Variants in DSTYK observed in about 807,000 individuals in gnomAD.
DSTYK encodes RIP-homologous kinase.
DSTYK carries 34 observed loss-of-function variants against 98.7 expected under a neutral mutation model. The ratio of observed to expected loss-of-function variants is 0.34; its 90% confidence interval spans 0.26 to 0.46. The LOEUF is 0.46. Among genes scored for constraint, DSTYK ranks in the 20% least tolerant of loss-of-function variants. The pLI is 1.00. For missense variants in DSTYK, 962 were observed against 1,181.7 expected (o/e 0.81, Z 2.73); for synonymous variants, 462 against 457.3 (o/e 1.01, Z -0.13).
In DSTYK at chr1:205,211,481, C is replaced by G; in HGVS notation, c.55G>C (p.Gly19Arg). Residue 19 changes from glycine (G) to arginine (R), a missense_variant, in exon 1 of 13, where the codon GGC becomes CGC. Gly to Arg is a moderately radical substitution (Grantham distance 125). This residue lies in a region of DSTYK where 168 missense variants were observed against 120.0 expected (regional missense o/e 1.40). Transcript: ENST00000367162. The stretch of plus-strand genomic sequence containing the variant: ...AGCTCGCGGATCATTCCGCCGCCGC[C>G]GGGGCCGGGACCCGAGACGGGCTCG... ...GSEPVSGPGP[G>R]GGGMIRELCR... The G allele has an allele frequency of 2.5e-6, 4 of 1,584,626 alleles. No homozygotes were observed. Among genetic ancestry groups the G allele is most frequent in the Non-Finnish European group, 3.4e-6 (4 of 1,169,650 alleles).
intron 2 of DSTYK, among the ~76,000 whole-genome samples, chr1:205,172,385 A>C (rs1304290708): frequency 6.7e-6 from 1 of 150,142 alleles, no homozygotes; most frequent in Non-Finnish European, 1.5e-5. Flanking sequence ...CTGTAGTCTC[A>C]ACCTCCCAGG....
intron 2 of DSTYK, among the ~76,000 whole-genome samples, chr1:205,181,266 C>T (rs1345045233): frequency 2.7e-5 from 4 of 147,234 alleles, no homozygotes; most frequent in Non-Finnish European, 4.6e-5. Context: ...TCTTTCCTAC[C>T]TTTTACCTAT....
chr1:205,179,145 A>G (rs1422466185), intron 2 of DSTYK, among the ~76,000 whole-genome samples: 1 of 151,796 alleles, frequency 6.6e-6, no homozygotes, highest in Non-Finnish European at 1.5e-5. Context: ...AAAAAAAGAC[A>G]GGAATTATAG....
At chr1:205,205,112 TC>T (rs1037534264) in intron 1 of DSTYK, among the ~76,000 whole-genome samples, 1 of 152,206 alleles carries the variant, frequency 6.6e-6, no homozygotes, top group African/African-American at 2.4e-5. Flanking sequence ...GAATAGATTA[TC>T]TTTTATTAAA....
At chr1:205,196,761 T>TTC in intron 1 of DSTYK, among the ~76,000 whole-genome samples, 1 of 143,680 alleles carries the variant, frequency 7.0e-6, no homozygotes. Flanking sequence ...ATGGTGAATT[T>TTC]TTTTTTTTTT....
chr1:205,147,584 T>C lies in DSTYK; in HGVS notation c.2764A>G (p.Asn922Asp). The C allele has an allele frequency of 1.9e-6, 3 of 1,612,192 alleles. No individual in the cohort carries two copies. Among genetic ancestry groups the C allele is most frequent in the Non-Finnish European group, 2.5e-6 (3 of 1,178,316 alleles). Reference sequence around the variant, plus strand: ...CAAGTAGAATCATCTAGTCCTCTGTTTGGCTGCTCAGAATTGGACTTGCAG... The same window carrying C: ...CAAGTAGAATCATCTAGTCCTCTGTCTGGCTGCTCAGAATTGGACTTGCAG... Reference protein sequence around the residue: ...RLCKSNSEQPNRGLDDST With the variant: ...RLCKSNSEQPDRGLDDST The change falls in exon 13 of 13, where the codon AAC becomes GAC. Residue 922 changes from asparagine (N) to aspartate (D), a missense_variant. Physicochemically the swap from Asn to Asp is conservative, Grantham distance 23 (BLOSUM62 1). Around this residue, in one of 4 missense-constraint regions of DSTYK, gnomAD observed 65 missense variants for 63.9 expected, o/e 1.02. Coordinates refer to ENST00000367162, the MANE Select transcript of DSTYK (RefSeq NM_015375.3).
At chr1:205,152,537 T>G (rs377728063) in intron 10 of DSTYK, among the ~76,000 whole-genome samples, 4 of 152,224 alleles carry the variant, frequency 2.6e-5, no homozygotes, top group African/African-American at 9.6e-5. Flanking sequence ...AAACTGTCAT[T>G]GCGCAGTGCA....
At chr1:205,162,416 G>A (rs137954678) in intron 5 of DSTYK, among the ~76,000 whole-genome samples, 1 of 152,164 alleles carries the variant, frequency 6.6e-6, no homozygotes, top group Non-Finnish European at 1.5e-5. Context: ...AGAACACCAG[G>A]CCTAGTCTAC....
chr1:205,202,802 GTAAA>G (rs1262623021), intron 1 of DSTYK: 2 of 552,084 alleles, frequency 3.6e-6, no homozygotes, highest in Non-Finnish European at 6.5e-6. Context: ...AGAAAAGAAA[GTAAA>G]TAAAGGCATA....
intron 2 of DSTYK, among the ~76,000 whole-genome samples, chr1:205,185,487 A>G (rs1658535285): frequency 6.6e-6 from 1 of 152,180 alleles, no homozygotes; most frequent in South Asian, 2.1e-4. Context: ...AGCTGGGACT[A>G]CAAGGGTGTG....
At chr1:205,165,529 C>G (rs978087151) in intron 3 of DSTYK, among the ~76,000 whole-genome samples, 6 of 152,148 alleles carry the variant, frequency 3.9e-5, no homozygotes, top group African/African-American at 1.4e-4. Flanking sequence ...AGAAGTCAAA[C>G]TACTTGCAAA....
intron 4 of DSTYK, among the ~76,000 whole-genome samples, chr1:205,163,461 C>T (rs1657794529): frequency 1.3e-5 from 2 of 152,138 alleles, no homozygotes; most frequent in Admixed American, 6.5e-5. Flanking sequence ...TCAGGTTATC[C>T]GCCCACCTCA....
At chr1:205,168,793 C>T (rs1657965326) in intron 3 of DSTYK, among the ~76,000 whole-genome samples, 1 of 152,200 alleles carries the variant, frequency 6.6e-6, no homozygotes, top group Non-Finnish European at 1.5e-5. Context: ...AATAAAGAGG[C>T]ATGAGCCATA....
At chr1:205,196,758 ATTTTTTTTT>A (rs113524415) in intron 1 of DSTYK, among the ~76,000 whole-genome samples, 1,206 of 109,894 alleles carry the variant, frequency 0.011, 27 homozygotes, top group African/African-American at 0.042. Context: ...AAAATGGTGA[ATTTTTTTTT>A]TTTTTTTTTT....
At chr1:205,210,125 T>C (rs1042112424) in intron 1 of DSTYK, among the ~76,000 whole-genome samples, 1 of 151,958 alleles carries the variant, frequency 6.6e-6, no homozygotes, top group African/African-American at 2.4e-5. Flanking sequence ...TGGTCCCGAA[T>C]TCCTGACCTC....
Position 205,169,359 on chromosome 1 carries a change from C to G in DSTYK, c.1128G>C (p.Gln376His). 1 of 1,614,134 alleles carries G rather than the reference C, an allele frequency of 6.2e-7. No individual in the cohort carries two copies. The highest frequency in any genetic ancestry group is 8.5e-7 in the Non-Finnish European group (1 of 1,180,032). ...HCHCLDIFIN[Q>H]AFDMQRDLQI... is the part of the protein sequence containing the mutation. ...GCAGGTCCCGCTGCATGTCAAATGC[C>G]TGGTTAATAAAGATGTCAAGGCAGT... is the stretch of plus-strand genomic sequence containing the variant. The change falls in exon 3 of 13, where the codon CAG becomes CAC. Residue 376 changes from glutamine to histidine, a missense_variant. Around this residue, in one of 4 missense-constraint regions of DSTYK, gnomAD observed 660 missense variants for 855.0 expected, o/e 0.77. Coordinates refer to ENST00000367162, the MANE Select transcript of DSTYK (RefSeq NM_015375.3). The surrounding 1 kb of genome is among the most constrained non-coding windows in gnomAD (Gnocchi z 4.0).
intron 9 of DSTYK, among the ~76,000 whole-genome samples, chr1:205,157,675 T>C (rs1188655372): frequency 6.7e-6 from 1 of 150,150 alleles, no homozygotes; most frequent in Non-Finnish European, 1.5e-5. Flanking sequence ...GGCAGGAGAA[T>C]CACTTGAACC....
At position 205,209,664 on chromosome 1, in the gene DSTYK, T is replaced by C. The variant is rs868074212; in HGVS notation, c.265+1607A>G. Among the ~76,000 whole-genome samples, 45 of 45,592 alleles carry C rather than the reference T, an allele frequency of 9.9e-4. 12 individuals carry two copies. The highest frequency in any genetic ancestry group is 0.05 in the Middle Eastern group (2 of 40). 29.9% of individuals were successfully genotyped at this position (45,592 alleles called of 152,430 possible). A position where few individuals can be genotyped will look rare whatever the true frequency, so the allele number is the denominator to read the frequency against. On this transcript the variant is annotated intron_variant, in intron 1 of 12. Coordinates refer to ENST00000367162, the MANE Select transcript of DSTYK (RefSeq NM_015375.3). ...TTTCTGAAACTACTAGTTTTTCTGATACTGTCATGATCTTAGTATCTTATT... is the reference window on the plus strand; with the variant it reads ...TTTCTGAAACTACTAGTTTTTCTGACACTGTCATGATCTTAGTATCTTATT...
rs549853753 is a variant in DSTYK at position 205,202,389 on chromosome 1, G to A, written c.265+8882C>T. ...ACCATTCCAACATTACAATGGTTGC[G>A]TTGGTTGGTGTGCCCAGGCCAAGCA... On this transcript the variant is annotated intron_variant, in intron 1 of 12. Transcript: ENST00000367162. The A allele has an allele frequency of 5.6e-5, 41 of 736,580 alleles. No individual in the cohort carries two copies. The African/African-American group carries it at 5.7e-4, about 10-fold the overall frequency. The allele number at this position is 736,580 out of a possible 1,614,324, so 45.6% of individuals were successfully genotyped here.
Sources: allele counts gnomAD v4.1 joint callset (sites outside exome capture counted in the v4.1 genomes callset), GRCh38; gene constraint gnomAD v4.1.1; regional missense constraint gnomAD v4.1.1; non-coding constraint Gnocchi (gnomAD v3.1); transcripts MANE v1.5; gene names NCBI Gene and HGNC (gene_info 2026-07-23, HGNC 2026-07-21).